Variants in ANKRD11 observed in about 807,000 individuals in gnomAD.
The protein encoded by ANKRD11 is ankyrin repeat domain 11, also known as ankyrin repeat domain-containing protein 11.
A neutral mutation model predicts 195.7 loss-of-function variants in ANKRD11; 17 were observed. The ratio of observed to expected loss-of-function variants is 0.09; its 90% confidence interval spans 0.06 to 0.13. The LOEUF (loss-of-function observed/expected upper bound fraction) is 0.13. Ranked by LOEUF, ANKRD11 falls within the 10% of genes least tolerant of loss-of-function variation. The pLI, the probability that ANKRD11 is intolerant of heterozygous loss-of-function variation, is 1.00. For synonymous variants in ANKRD11, 1,953 were observed against 1,528.1 expected, an observed-to-expected ratio of 1.28 and a Z score of -6.49; for missense variants, 3,735 against 3,566.1, an observed-to-expected ratio of 1.05 and a Z score of -1.21.
At chr16:89,465,151 G>C (rs1158190074) in intron 1 of ANKRD11, among the ~76,000 whole-genome samples, 2 of 152,240 alleles carry the variant, frequency 1.3e-5, no homozygotes, top group African/African-American at 4.8e-5. Flanking sequence ...CAACAGCAGA[G>C]CTGAAGAGCT....
intron 11 of ANKRD11, chr16:89,271,242 T>C (rs975792073): frequency 1.5e-5 from 5 of 336,068 alleles, no homozygotes; most frequent in Non-Finnish European, 2.9e-5. Flanking sequence ...GAGAGACTTT[T>C]TTTTTTTTTT....
chr16:89,291,298 G>GCTCTGT lies in ANKRD11; in HGVS notation c.227-116_227-115insACAGAG. The GCTCTGT allele has an allele frequency of 7.5e-7, 1 of 1,329,540 alleles. No homozygotes were observed. Among genetic ancestry groups the GCTCTGT allele is most frequent in the Non-Finnish European group, 1.0e-6 (1 of 954,834 alleles). 82.4% of individuals were successfully genotyped at this position (1,329,540 alleles called of 1,614,324 possible). A position where few individuals can be genotyped will look rare whatever the true frequency, so the allele number is the denominator to read the frequency against. On this transcript the variant is annotated intron_variant, in intron 4 of 12. Coordinates refer to ENST00000301030, the MANE Select transcript of ANKRD11 (RefSeq NM_013275.6). The surrounding 1 kb of genome is among the most constrained non-coding windows in gnomAD (Gnocchi z 5.3). Reference sequence around the variant, plus strand: ...CTGCGTCCACCTGACAGCTGACAGAGCAGAAAGGAAGGTCTGTGTATGGGG... The same window carrying GCTCTGT: ...CTGCGTCCACCTGACAGCTGACAGAGCTCTGTCAGAAAGGAAGGTCTGTGTATGGGG...
chr16:89,479,055 C>T (rs1015008958), intron 1 of ANKRD11, among the ~76,000 whole-genome samples: 3 of 152,196 alleles, frequency 2.0e-5, no homozygotes, highest in East Asian at 3.9e-4. Context: ...GCCTCAAGAC[C>T]CACACCTTTG....
chr16:89,297,541 A>C (rs1445524354), intron 4 of ANKRD11: 1 of 136,802 alleles, frequency 7.3e-6, no homozygotes, highest in Non-Finnish European at 1.6e-5. Context: ...AAGAAGTCTA[A>C]ATCACAGCCG....
intron 2 of ANKRD11, among the ~76,000 whole-genome samples, chr16:89,412,781 C>A (rs113907451): frequency 6.6e-6 from 1 of 152,114 alleles, no homozygotes. Context: ...CCATGAGAAT[C>A]ACTGTAGTTA....
chr16:89,289,578 G>C (rs1443078624), intron 6 of ANKRD11, among the ~76,000 whole-genome samples: 2 of 152,238 alleles, frequency 1.3e-5, no homozygotes, highest in South Asian at 4.1e-4. Flanking sequence ...CCAGCCCTGT[G>C]AAGTGAGGGA....
chr16:89,296,767 G>A (rs1413823491), intron 4 of ANKRD11, among the ~76,000 whole-genome samples: 2 of 152,254 alleles, frequency 1.3e-5, no homozygotes, highest in Non-Finnish European at 2.9e-5. Flanking sequence ...TGAGGAAGGT[G>A]TGTCTCTCCA....
chr16:89,309,660 AC>A (rs1230347011), intron 3 of ANKRD11, among the ~76,000 whole-genome samples: 1 of 152,032 alleles, frequency 6.6e-6, no homozygotes, highest in Admixed American at 6.5e-5. Flanking sequence ...GCTCCCATCC[AC>A]CTGGGCTCAG....
At chr16:89,444,417 C>A (rs1567814999) in intron 1 of ANKRD11, among the ~76,000 whole-genome samples, 2 of 151,760 alleles carry the variant, frequency 1.3e-5, no homozygotes, top group South Asian at 2.1e-4. Flanking sequence ...TTTCTTTGGG[C>A]TCCAGAAAGC....
At position 89,331,843 on chromosome 16, in the gene ANKRD11, C is replaced by T. The variant is rs77507229; in HGVS notation, c.-59-14765G>A. Among the ~76,000 whole-genome samples the T allele has an allele frequency of 3.9e-3, 593 of 152,256 alleles. 2 individuals carry two copies. Among genetic ancestry groups the T allele is most frequent in the African/African-American group, 0.014 (573 of 41,540 alleles). On this transcript the variant is annotated intron_variant, in intron 2 of 12. Coordinates refer to ENST00000301030, the MANE Select transcript of ANKRD11 (RefSeq NM_013275.6). ...ATACGGTGATGGTTTTGAATGTTTT[C>T]GGCGGATGCAATGGTGTGGACTCGG...
chr16:89,381,331 C>CAAAAAAAAAAA, intron 2 of ANKRD11, among the ~76,000 whole-genome samples: 1 of 76,354 alleles, frequency 1.3e-5, no homozygotes, highest in Non-Finnish European at 2.3e-5. Context: ...GACTCTGCTG[C>CAAAAAAAAAAA]AAAAAAAAAA....
chr16:89,437,593 C>T (rs202235909), intron 1 of ANKRD11, among the ~76,000 whole-genome samples: 1 of 152,182 alleles, frequency 6.6e-6, no homozygotes, highest in Non-Finnish European at 1.5e-5. Context: ...ACATCTCTCC[C>T]AAGAGCCCAC....
chr16:89,305,023 T>G, intron 4 of ANKRD11, 183 bp downstream of exon 4: 1 of 896,406 alleles, frequency 1.1e-6, no homozygotes, highest in Non-Finnish European at 1.7e-6. Flanking sequence ...GAGCCTCGGG[T>G]GCAAAGGAGG....
chr16:89,478,099 G>A (rs993002263), intron 1 of ANKRD11, among the ~76,000 whole-genome samples: 1 of 152,114 alleles, frequency 6.6e-6, no homozygotes, highest in African/African-American at 2.4e-5. Context: ...TGAGAGGAGC[G>A]CTTAATAAAC....
At chr16:89,322,549 G>A (rs1487056674) in intron 2 of ANKRD11, among the ~76,000 whole-genome samples, 1 of 152,230 alleles carries the variant, frequency 6.6e-6, no homozygotes, top group Non-Finnish European at 1.5e-5. Flanking sequence ...GTGGAAAAGG[G>A]GAGGGAAGCC....
At chr16:89,287,333 C>G in intron 7 of ANKRD11, 2 of 324,978 alleles carry the variant, frequency 6.2e-6, no homozygotes, top group Non-Finnish European at 1.2e-5. Flanking sequence ...GCAAGATGAC[C>G]TAGGACAATC....
chr16:89,280,916 T>A lies in ANKRD11; in HGVS notation c.5626A>T (p.Thr1876Ser), dbSNP rs1597444829. The change falls in exon 9 of 13, where the codon ACC becomes TCC. Residue 1876 changes from threonine to serine, a missense_variant. Coordinates refer to ENST00000301030, the MANE Select transcript of ANKRD11 (RefSeq NM_013275.6). ...GAGAAGACGCCCTCTGGAGACGGGG[T>A]GACAGTGACAACGGCAGCCGGTGGG... ...HCPPAAVVTV[T>S]PSPEGVFSSL... The A allele has an allele frequency of 6.3e-7, 1 of 1,597,296 alleles. No individual in the cohort carries two copies. The highest frequency in any genetic ancestry group is 1.1e-5 in the South Asian group (1 of 89,812).
intron 2 of ANKRD11, among the ~76,000 whole-genome samples, chr16:89,405,364 C>A (rs531302568): frequency 2.0e-5 from 3 of 152,178 alleles, no homozygotes; most frequent in African/African-American, 7.2e-5. Context: ...GGCTCTGTCA[C>A]GCAGGCTAGA....
chr16:89,273,933 G>C (rs1156333522), intron 11 of ANKRD11, among the ~76,000 whole-genome samples: 1 of 152,120 alleles, frequency 6.6e-6, no homozygotes, highest in Non-Finnish European at 1.5e-5. Context: ...TGGACACCAA[G>C]GCAGGAATGT....
Sources: allele counts gnomAD v4.1 joint callset (sites outside exome capture counted in the v4.1 genomes callset), GRCh38; gene constraint gnomAD v4.1.1; non-coding constraint Gnocchi (gnomAD v3.1); transcripts MANE v1.5; gene names NCBI Gene and HGNC (gene_info 2026-07-23, HGNC 2026-07-21).